Variants in EYA1 observed in about 807,000 individuals in gnomAD.
EYA1 encodes the protein EYA transcriptional coactivator and phosphatase 1.
Under a neutral mutation model 82.0 loss-of-function variants are expected in EYA1, and 16 were observed. The observed-to-expected ratio is 0.20, with a 90% CI of 0.13 to 0.30. EYA1 has a LOEUF of 0.30. Ranked by LOEUF, EYA1 falls within the 10% of genes least tolerant of loss-of-function variation. EYA1 has a pLI of 1.00. For missense variants in EYA1, 633 were observed against 730.7 expected, an observed-to-expected ratio of 0.87 and a Z score of 1.54; for synonymous variants, 261 against 264.4, an observed-to-expected ratio of 0.99 and a Z score of 0.12.
chr8:71,476,978 G>C (rs6992523), intron 2 of EYA1, among the ~76,000 whole-genome samples: 58,760 of 151,794 alleles, frequency 0.39, 11,950 homozygotes, highest in South Asian at 0.48. Context: ...AACAGGGAAA[G>C]AATAGTCTTT....
intron 2 of EYA1, among the ~76,000 whole-genome samples, chr8:71,462,407 A>C (rs1372344204): frequency 6.6e-6 from 1 of 152,112 alleles, no homozygotes; most frequent in Non-Finnish European, 1.5e-5. Flanking sequence ...GGGAGAGGCT[A>C]GGCAGTGGGA....
At chr8:71,354,646 T>C in intron 3 of EYA1, 136 bp downstream of exon 3, 1 of 841,800 alleles carries the variant, frequency 1.2e-6, no homozygotes. Context: ...GATTGGTAAG[T>C]CACATTATTA....
intron 4 of EYA1, among the ~76,000 whole-genome samples, chr8:71,329,539 A>G (rs531020153): frequency 6.6e-6 from 1 of 152,270 alleles, no homozygotes; most frequent in East Asian, 1.9e-4. Context: ...AGACTTCCCC[A>G]GCATCCACTA....
intron 9 of EYA1, among the ~76,000 whole-genome samples, chr8:71,274,468 C>G (rs1816894793): frequency 6.6e-6 from 1 of 152,142 alleles, no homozygotes; most frequent in African/African-American, 2.4e-5. Flanking sequence ...CCAAATTGTT[C>G]AAGTTTACCC....
At chr8:71,314,076 C>T (rs1001204001) in intron 7 of EYA1, among the ~76,000 whole-genome samples, 3 of 152,038 alleles carry the variant, frequency 2.0e-5, no homozygotes, top group Non-Finnish European at 2.9e-5. Flanking sequence ...TATTCTCATC[C>T]AGGATTCAAA....
intron 12 of EYA1, among the ~76,000 whole-genome samples, chr8:71,236,837 T>C (rs1811895003): frequency 6.6e-6 from 1 of 152,250 alleles, no homozygotes; most frequent in Non-Finnish European, 1.5e-5. Context: ...AATTCTATTT[T>C]CTTAGAAGTG....
chr8:71,535,559 A>C (rs1159626521), intron 2 of EYA1, among the ~76,000 whole-genome samples: 1 of 152,204 alleles, frequency 6.6e-6, no homozygotes, highest in Non-Finnish European at 1.5e-5. Context: ...CTGAGAAAAG[A>C]TATAAATTAG....
intron 12 of EYA1, among the ~76,000 whole-genome samples, chr8:71,233,958 C>G (rs565780389): frequency 6.6e-6 from 1 of 152,298 alleles, no homozygotes; most frequent in Admixed American, 6.5e-5. Context: ...TTCCTGGCCT[C>G]AAGGGATTTC....
chr8:71,383,983 T>C (rs973599611), intron 2 of EYA1, among the ~76,000 whole-genome samples: 2 of 152,138 alleles, frequency 1.3e-5, no homozygotes, highest in African/African-American at 4.8e-5. Context: ...ATATTCACCC[T>C]AATAAATGTT....
chr8:71,465,313 T>C (rs1448096458), intron 2 of EYA1, among the ~76,000 whole-genome samples: 2 of 152,126 alleles, frequency 1.3e-5, no homozygotes, highest in Non-Finnish European at 2.9e-5. Context: ...GGCCACGCCA[T>C]CAAAGAAATT....
At chr8:71,355,788 AC>A (rs1209947944) in intron 2 of EYA1, among the ~76,000 whole-genome samples, 1 of 152,234 alleles carries the variant, frequency 6.6e-6, no homozygotes, top group African/African-American at 2.4e-5. Context: ...CATAAAAGGT[AC>A]AAAAGCCACT....
intron 2 of EYA1, among the ~76,000 whole-genome samples, chr8:71,355,458 G>A (rs893074389): frequency 1.6e-4 from 25 of 152,322 alleles, no homozygotes; most frequent in Admixed American, 1.3e-3. Context: ...GACAGGGAAT[G>A]AGATAGTCCT....
At chr8:71,530,388 C>A (rs1485654565) in intron 2 of EYA1, among the ~76,000 whole-genome samples, 1 of 152,182 alleles carries the variant, frequency 6.6e-6, no homozygotes, top group Non-Finnish European at 1.5e-5. Flanking sequence ...CAATGAATTT[C>A]TGTTGTTTTA....
At chr8:71,404,320 A>G (rs1410140732) in intron 2 of EYA1, 2 of 152,240 alleles carry the variant, frequency 1.3e-5, no homozygotes, top group African/African-American at 4.8e-5. Context: ...ACTACTGGTT[A>G]CAATGTATTA....
At chr8:71,282,935 C>A (rs1481919117) in intron 9 of EYA1, among the ~76,000 whole-genome samples, 1 of 115,942 alleles carries the variant, frequency 8.6e-6, no homozygotes, top group Non-Finnish European at 1.8e-5. Flanking sequence ...TCAACACCAC[C>A]TTGTTTTTTT....
intron 2 of EYA1, among the ~76,000 whole-genome samples, chr8:71,517,922 G>A (rs1813098181): frequency 1.3e-5 from 2 of 151,490 alleles, no homozygotes; most frequent in African/African-American, 4.8e-5. Context: ...GCTAACTATT[G>A]TCTAAACTAG....
At chr8:71,531,425 C>G (rs1249732433) in intron 2 of EYA1, among the ~76,000 whole-genome samples, 1 of 152,280 alleles carries the variant, frequency 6.6e-6, no homozygotes, top group African/African-American at 2.4e-5. Context: ...AAAAACTAGG[C>G]TCTCTCTATT....
At chr8:71,471,680 C>G (rs74415979) in intron 2 of EYA1, among the ~76,000 whole-genome samples, 1 of 152,058 alleles carries the variant, frequency 6.6e-6, no homozygotes, top group Admixed American at 6.6e-5. Flanking sequence ...ACATTCCTCA[C>G]AGCATGGAGC....
intron 11 of EYA1, among the ~76,000 whole-genome samples, chr8:71,265,282 C>T (rs1418380353): frequency 6.6e-6 from 1 of 152,038 alleles, no homozygotes. Context: ...TCTAACCTCT[C>T]CCGTTTCAAT....
Sources: allele counts gnomAD v4.1 joint callset (sites outside exome capture counted in the v4.1 genomes callset), GRCh38; gene constraint gnomAD v4.1.1; transcripts MANE v1.5; gene names NCBI Gene and HGNC (gene_info 2026-07-23, HGNC 2026-07-21).